Variants in UNC5D observed in about 807,000 individuals in gnomAD.
UNC5D encodes the protein netrin receptor UNC5D.
UNC5D carries 39 observed loss-of-function variants against 105.4 expected under a neutral mutation model. That is an observed-to-expected ratio of 0.37 (90% CI 0.29 to 0.48). The LOEUF (loss-of-function observed/expected upper bound fraction) is 0.48, where lower values mean the gene tolerates loss of function less well. Ranked by LOEUF, UNC5D falls within the 20% of genes least tolerant of loss-of-function variation. UNC5D has a pLI of 0.98. For missense variants in UNC5D, 991 were observed against 1,202.4 expected, an observed-to-expected ratio of 0.82 and a Z score of 2.60; for synonymous variants, 452 against 450.4, an observed-to-expected ratio of 1.00 and a Z score of -0.04.
intron 1 of UNC5D, among the ~76,000 whole-genome samples, chr8:35,316,118 G>A (rs1809287246): frequency 6.6e-6 from 1 of 152,130 alleles, no homozygotes; most frequent in Admixed American, 6.5e-5. Context: ...ATTGAAGGAA[G>A]ACTGATCTAA....
chr8:35,426,116 T>C (rs1487367923), intron 1 of UNC5D, among the ~76,000 whole-genome samples: 1 of 152,174 alleles, frequency 6.6e-6, no homozygotes, highest in African/African-American at 2.4e-5. Flanking sequence ...CCTTTGAAAC[T>C]ACATAGGATA....
At chr8:35,762,951 A>C (rs971512519) in intron 14 of UNC5D, among the ~76,000 whole-genome samples, 2 of 152,172 alleles carry the variant, frequency 1.3e-5, no homozygotes, top group African/African-American at 2.4e-5. Flanking sequence ...GTCAAAATGA[A>C]AACATTTCCG....
chr8:35,451,449 T>C (rs1808148904), intron 1 of UNC5D, among the ~76,000 whole-genome samples: 1 of 152,124 alleles, frequency 6.6e-6, no homozygotes, highest in Non-Finnish European at 1.5e-5. Flanking sequence ...TATTAAGACA[T>C]TGAGTCTTTA....
chr8:35,558,999 G>T (rs1168866344), intron 2 of UNC5D, among the ~76,000 whole-genome samples: 1 of 151,858 alleles, frequency 6.6e-6, no homozygotes, highest in Non-Finnish European at 1.5e-5. Context: ...AAAAAAAAAA[G>T]TCTGTTGCTT....
At chr8:35,501,671 T>A (rs1811981879) in intron 1 of UNC5D, among the ~76,000 whole-genome samples, 1 of 152,240 alleles carries the variant, frequency 6.6e-6, no homozygotes, top group Admixed American at 6.5e-5. Flanking sequence ...AAATCATGAC[T>A]GTTACCATTC....
At chr8:35,557,439 G>T (rs1198229175) in intron 2 of UNC5D, among the ~76,000 whole-genome samples, 2 of 152,184 alleles carry the variant, frequency 1.3e-5, no homozygotes, top group Non-Finnish European at 2.9e-5. Context: ...TTTTTAACTT[G>T]TTGCTAGGAT....
At chr8:35,367,445 A>G (rs1802180860) in intron 1 of UNC5D, among the ~76,000 whole-genome samples, 1 of 152,176 alleles carries the variant, frequency 6.6e-6, no homozygotes, top group East Asian at 1.9e-4. Flanking sequence ...CCAGATGAAA[A>G]CATAAGCATA....
chr8:35,267,261 TA>T (rs1804947398), intron 1 of UNC5D, among the ~76,000 whole-genome samples: 1 of 152,182 alleles, frequency 6.6e-6, no homozygotes, highest in Admixed American at 6.5e-5. Flanking sequence ...GAAGTTTATC[TA>T]TTTCTCCATC....
chr8:35,657,082 A>ATATATATATATATATG (rs1823811494), intron 4 of UNC5D, among the ~76,000 whole-genome samples: 1 of 28,326 alleles, frequency 3.5e-5, no homozygotes, highest in African/African-American at 1.4e-4. Flanking sequence ...GTGTGTGTGT[A>ATATATATATATATATG]TATATATATA....
At chr8:35,599,462 T>C (rs1022675916) in intron 4 of UNC5D, among the ~76,000 whole-genome samples, 1 of 152,180 alleles carries the variant, frequency 6.6e-6, no homozygotes, top group Non-Finnish European at 1.5e-5. Flanking sequence ...TTTCAAAACA[T>C]GTTATACATG....
intron 1 of UNC5D, among the ~76,000 whole-genome samples, chr8:35,444,380 C>A (rs1220571905): frequency 1.3e-5 from 2 of 152,078 alleles, no homozygotes; most frequent in African/African-American, 4.8e-5. Context: ...GGAAAGTAAT[C>A]AGCCTATTGC....
intron 6 of UNC5D, among the ~76,000 whole-genome samples, chr8:35,685,295 A>G (rs1187746331): frequency 6.6e-6 from 1 of 152,186 alleles, no homozygotes; most frequent in Non-Finnish European, 1.5e-5. Context: ...TCTTTCTGTA[A>G]AAAGAGATAC....
intron 4 of UNC5D, among the ~76,000 whole-genome samples, chr8:35,683,144 A>C (rs2131337275): frequency 6.6e-6 from 1 of 152,284 alleles, no homozygotes; most frequent in East Asian, 1.9e-4. Flanking sequence ...ATCCTCTCAC[A>C]CAAAATACAA....
chr8:35,688,413 T>A (rs1288664746), intron 7 of UNC5D, among the ~76,000 whole-genome samples: 1 of 152,240 alleles, frequency 6.6e-6, no homozygotes, highest in East Asian at 1.9e-4. Flanking sequence ...ACCTGTTGTA[T>A]TTTCAGACTA....
At chr8:35,246,669 C>T (rs1022012044) in intron 1 of UNC5D, among the ~76,000 whole-genome samples, 1 of 152,030 alleles carries the variant, frequency 6.6e-6, no homozygotes, top group African/African-American at 2.4e-5. Context: ...CGAAGCATCA[C>T]GACTCCAGCA....
Position 35,492,096 on chromosome 8 carries a change from CT to C in UNC5D, c.104-57183del, listed in dbSNP as rs547762251. Among the ~76,000 whole-genome samples, 370 of 141,474 alleles carry C rather than the reference CT, an allele frequency of 2.6e-3. 1 individual carries two copies. Among genetic ancestry groups the C allele is most frequent in the Middle Eastern group, 7.4e-3 (2 of 272 alleles). The allele number at this position is 141,474 out of a possible 152,430, so 92.8% of individuals were successfully genotyped here. On this transcript the variant is annotated intron_variant, in intron 1 of 16. Transcript: ENST00000404895. ...TTGTTTTCAGAACATCACTTTTCTT[CT>C]TTTTTTTTTTTTCCCTGCCTTTCCT...
At chr8:35,641,366 C>CAAAAAAAAAAAAAAAAAAGAAAAAA (rs1822707866) in intron 4 of UNC5D, among the ~76,000 whole-genome samples, 1 of 44,292 alleles carries the variant, frequency 2.3e-5, no homozygotes. Flanking sequence ...AAAAATAAAG[C>CAAAAAAAAAAAAAAAAAAGAAAAAA]AAAAAAAAAA....
At chr8:35,282,033 G>A (rs1806223909) in intron 1 of UNC5D, among the ~76,000 whole-genome samples, 1 of 152,172 alleles carries the variant, frequency 6.6e-6, no homozygotes, top group Admixed American at 6.5e-5. Flanking sequence ...AGCCAGCTAA[G>A]CCGGATTCAG....
At chr8:35,754,517 T>C (rs1424128781) in intron 13 of UNC5D, among the ~76,000 whole-genome samples, 1 of 152,128 alleles carries the variant, frequency 6.6e-6, no homozygotes, top group East Asian at 1.9e-4. Context: ...CACTGGGAGA[T>C]TGTATCCCAT....
Sources: allele counts gnomAD v4.1 joint callset (sites outside exome capture counted in the v4.1 genomes callset), GRCh38; gene constraint gnomAD v4.1.1; transcripts MANE v1.5; gene names NCBI Gene and HGNC (gene_info 2026-07-23, HGNC 2026-07-21).